Variants in TYW3 observed in about 807,000 individuals in gnomAD.
TYW3 encodes tRNA-yW synthesizing protein 3 homolog.
In TYW3, 26 loss-of-function variants were observed where a neutral mutation model predicts 23.1. The observed-to-expected ratio is 1.13, with a 90% CI of 0.83 to 1.56. The LOEUF (loss-of-function observed/expected upper bound fraction) is 1.56. TYW3 is among the 40% of genes most tolerant of loss of function. TYW3 has a pLI of 0.00. For synonymous variants in TYW3, 102 were observed against 105.7 expected (o/e 0.97, Z 0.21); for missense variants, 316 against 311.9 (o/e 1.01, Z -0.10).
Position 74,738,740 on chromosome 1 carries a change from A to T in TYW3, c.306A>T (p.Pro102=), listed in dbSNP as rs1459766048. 1 of 1,611,382 alleles carries T rather than the reference A, an allele frequency of 6.2e-7. No individual in the cohort carries two copies. The change falls in exon 3 of 6, where the codon CCA becomes CCT. Residue 102 remains proline (P), a synonymous_variant. Transcript: ENST00000370867. ...GTGATGCCACTTTGAAATTTGAACC[A>T]TTTGTTCTTCATGTGCAGTGTCGAC... ...ANGDATLKFE[P]FVLHVQCRQL...
At chr1:74,740,981 C>T (rs2100757878) in intron 3 of TYW3, among the ~76,000 whole-genome samples, 1 of 145,450 alleles carries the variant, frequency 6.9e-6, no homozygotes, top group South Asian at 2.4e-4. Context: ...GCTCTAGCTA[C>T]TTCCTGCTGG....
chr1:74,744,423 G>T (rs1049029793), intron 3 of TYW3, among the ~76,000 whole-genome samples: 2 of 152,058 alleles, frequency 1.3e-5, no homozygotes, highest in African/African-American at 4.8e-5. Flanking sequence ...CACGGTTTGC[G>T]GGTCAAATTG....
At chr1:74,733,468 C>A (rs277373) in intron 1 of TYW3, 50 bp downstream of exon 1, 1 of 1,604,080 alleles carries the variant, frequency 6.2e-7, no homozygotes, top group Non-Finnish European at 8.5e-7. Flanking sequence ...TGCGAAACTT[C>A]AGGAGCCCTG....
chr1:74,753,938 G>T (rs2100772042), intron 5 of TYW3, among the ~76,000 whole-genome samples: 1 of 152,264 alleles, frequency 6.6e-6, no homozygotes, highest in South Asian at 2.1e-4. Flanking sequence ...GGGTACTAGA[G>T]CTTAATTTTC....
Position 74,733,336 on chromosome 1 carries a change from T to C in TYW3, c.92T>C (p.Val31Ala). Residue 31 changes from valine (V) to alanine (A), a missense_variant, in exon 1 of 6, where the codon GTA (valine) becomes GCA (alanine). Transcript: ENST00000370867. ...AAGGGCAGTGTTGACGAGGATGTGG[T>C]AGAGCTTGTGCAGTTTCTGAACATG... is the stretch of plus-strand genomic sequence containing the variant. Reference protein sequence around the residue: ...SRKGSVDEDVVELVQFLNMRD... With the variant: ...SRKGSVDEDVAELVQFLNMRD... 6.2e-7 allele frequency: 1 copy of C among 1,614,186 alleles called. No homozygotes were observed. The highest frequency in any genetic ancestry group is 8.5e-7 in the Non-Finnish European group (1 of 1,180,030).
chr1:74,736,598 C>T lies in TYW3; in HGVS notation c.231C>T (p.His77=). 2 of 1,602,778 alleles carry T rather than the reference C, an allele frequency of 1.2e-6. No individual in the cohort carries two copies. The change falls in exon 2 of 6, where the codon CAC becomes CAT. Residue 77 remains histidine (H), a synonymous_variant. Transcript: ENST00000370867. ...ACTGTTGCTGGCTACTGGTTACACACAAACTTTGTGTAAAAGATGATGTGG... is the reference window on the plus strand; with the variant it reads ...ACTGTTGCTGGCTACTGGTTACACATAAACTTTGTGTAAAAGATGATGTGG... ...KQNCCWLLVT[H]KLCVKDDVIV... is the part of the protein sequence containing the mutation.
rs1391118047 is a variant in TYW3 at position 74,737,396 on chromosome 1, GAGA to G, written c.255+777_255+779del. On this transcript the variant is annotated intron_variant, in intron 2 of 5. Coordinates refer to ENST00000370867, the MANE Select transcript of TYW3 (RefSeq NM_138467.3). Reference sequence around the variant, plus strand: ...TCCTGCAATTCATGTGTCCATCTTAGAGAAGGACTTGGAATTGTCCTGCTTAGA... The same window carrying G: ...TCCTGCAATTCATGTGTCCATCTTAGAGGACTTGGAATTGTCCTGCTTAGA... Among the ~76,000 whole-genome samples the G allele has an allele frequency of 3.3e-5, 5 of 152,314 alleles. No homozygotes were observed. The East Asian group carries it at 9.6e-4, about 29-fold the overall frequency.
intron 5 of TYW3, 79 bp from the exon 6 acceptor site, chr1:74,763,815 A>T: frequency 9.2e-7 from 1 of 1,090,076 alleles, no homozygotes; most frequent in Non-Finnish European, 1.3e-6. Context: ...AAATTTACAT[A>T]ACTTATAAGC....
chr1:74,760,616 A>G (rs1473948497), intron 5 of TYW3, among the ~76,000 whole-genome samples: 4 of 152,154 alleles, frequency 2.6e-5, no homozygotes, highest in Non-Finnish European at 5.9e-5. Flanking sequence ...GTGGCTTTAC[A>G]GTTCTGTAGC....
At chr1:74,753,893 G>A (rs1648868686) in intron 5 of TYW3, among the ~76,000 whole-genome samples, 1 of 152,158 alleles carries the variant, frequency 6.6e-6, no homozygotes, top group South Asian at 2.1e-4. Flanking sequence ...ATACATTGGA[G>A]AAAAGTCAAT....
At chr1:74,749,344 T>G (rs1408661519) in intron 4 of TYW3, among the ~76,000 whole-genome samples, 1 of 152,236 alleles carries the variant, frequency 6.6e-6, no homozygotes, top group Non-Finnish European at 1.5e-5. Context: ...CAAACTTTAG[T>G]AGTTGTGACA....
chr1:74,755,267 C>A (rs980478145), intron 5 of TYW3, among the ~76,000 whole-genome samples: 1 of 152,102 alleles, frequency 6.6e-6, no homozygotes, highest in Non-Finnish European at 1.5e-5. Flanking sequence ...ATGCAACTGT[C>A]GCCACTGTCC....
At chr1:74,744,914 T>C (rs566127235) in intron 3 of TYW3, among the ~76,000 whole-genome samples, 1 of 152,052 alleles carries the variant, frequency 6.6e-6, no homozygotes, top group Non-Finnish European at 1.5e-5. Flanking sequence ...AGTTGTTTGT[T>C]CATCCCGGTG....
intron 1 of TYW3, among the ~76,000 whole-genome samples, chr1:74,735,434 A>T (rs1246148047): frequency 6.6e-6 from 1 of 152,208 alleles, no homozygotes; most frequent in Non-Finnish European, 1.5e-5. Flanking sequence ...ACCTACTTGG[A>T]AGTAATGACT....
chr1:74,760,654 G>A (rs1649110307), intron 5 of TYW3, among the ~76,000 whole-genome samples: 1 of 152,180 alleles, frequency 6.6e-6, no homozygotes, highest in East Asian at 1.9e-4. Flanking sequence ...CTCCTTGAGG[G>A]CACAGACCAC....
intron 3 of TYW3, among the ~76,000 whole-genome samples, chr1:74,744,359 G>T (rs1648474512): frequency 6.6e-6 from 1 of 151,500 alleles, no homozygotes; most frequent in Non-Finnish European, 1.5e-5. Flanking sequence ...ATCAGAGAGA[G>T]AATATTGGGG....
At chr1:74,763,392 T>C (rs1408172067) in intron 5 of TYW3, among the ~76,000 whole-genome samples, 1 of 152,116 alleles carries the variant, frequency 6.6e-6, no homozygotes, top group Non-Finnish European at 1.5e-5. Context: ...CAATAAATAA[T>C]AACTTTGAAA....
At chr1:74,733,579 C>CTA (rs1451499695) in intron 1 of TYW3, 161 bp downstream of exon 1, 6 of 982,194 alleles carry the variant, frequency 6.1e-6, no homozygotes, top group Middle Eastern at 5.2e-4. Flanking sequence ...TAGATCAGTG[C>CTA]TTCTAAAAGT....
chr1:74,752,449 GT>G lies in TYW3; in HGVS notation c.560+26del, dbSNP rs757644174. 1.6e-5 allele frequency: 25 copies of G among 1,605,776 alleles called. No individual in the cohort carries two copies. In the East Asian group the frequency reaches 4.7e-4, roughly 30 times the overall value. The stretch of plus-strand genomic sequence containing the variant: ...AGGTATATTAATTGGGTATTTCCAT[GT>G]TATTCTTATATGCCTAGATCATCCT... On this transcript the variant is annotated intron_variant, in intron 5 of 5. Transcript: ENST00000370867.
Sources: allele counts gnomAD v4.1 joint callset (sites outside exome capture counted in the v4.1 genomes callset), GRCh38; gene constraint gnomAD v4.1.1; transcripts MANE v1.5; gene names NCBI Gene and HGNC (gene_info 2026-07-23, HGNC 2026-07-21).